Variants in NDUFAF6 observed in about 807,000 individuals in gnomAD.
NDUFAF6 encodes the protein NADH dehydrogenase (ubiquinone) complex I, assembly factor 6.
NDUFAF6 carries 45 observed loss-of-function variants against 40.8 expected under a neutral mutation model. The observed-to-expected ratio is 1.10, with a 90% CI of 0.87 to 1.42. The LOEUF (loss-of-function observed/expected upper bound fraction) is 1.42. Ranked by LOEUF, NDUFAF6 falls within the 40% of genes most tolerant of loss-of-function variation. NDUFAF6 has a pLI of 0.00. For synonymous variants in NDUFAF6, 185 were observed against 155.9 expected, an observed-to-expected ratio of 1.19 and a Z score of -1.39; for missense variants, 435 against 418.5, an observed-to-expected ratio of 1.04 and a Z score of -0.34.
chr8:94,929,928 A>G (rs1355064262), intron 1 of NDUFAF6: 1 of 153,778 alleles, frequency 6.5e-6, no homozygotes, highest in East Asian at 1.9e-4. Context: ...TACACACAGA[A>G]TACATCAAGT....
chr8:94,951,610 G>A (rs761638919), intron 2 of NDUFAF6, among the ~76,000 whole-genome samples: 6 of 152,202 alleles, frequency 3.9e-5, no homozygotes, highest in Non-Finnish European at 5.9e-5. Flanking sequence ...CAAGGAGGGC[G>A]TGCCTCAGGG....
chr8:94,979,409 T>C (rs1825228625), intron 1 of NDUFAF6, among the ~76,000 whole-genome samples: 1 of 152,160 alleles, frequency 6.6e-6, no homozygotes, highest in Non-Finnish European at 1.5e-5. Context: ...GGTCCTTCCT[T>C]GTTTTCAAAA....
At chr8:94,977,026 C>T (rs1825008212) in intron 1 of NDUFAF6, among the ~76,000 whole-genome samples, 1 of 151,584 alleles carries the variant, frequency 6.6e-6, no homozygotes, top group Admixed American at 6.6e-5. Flanking sequence ...TGGCACACAC[C>T]TGTGGTCCCA....
chr8:94,940,990 T>C, intron 1 of NDUFAF6: 1 of 1,434,760 alleles, frequency 7.0e-7, no homozygotes, highest in Non-Finnish European at 9.7e-7. Context: ...ATAGCTGAGA[T>C]TTCAAAACCT....
chr8:94,920,979 G>A (rs1338412014), intron 1 of NDUFAF6, among the ~76,000 whole-genome samples: 1 of 151,526 alleles, frequency 6.6e-6, no homozygotes, highest in Non-Finnish European at 1.5e-5. Context: ...CTTCAATAAG[G>A]CTAGAACTAG....
chr8:94,987,220 A>G (rs1205155423), intron 2 of NDUFAF6, among the ~76,000 whole-genome samples: 1 of 152,198 alleles, frequency 6.6e-6, no homozygotes. Flanking sequence ...ATGCAGCCAT[A>G]ACACAGTATG....
chr8:94,918,932 G>C (rs986694354), intron 1 of NDUFAF6, among the ~76,000 whole-genome samples: 2 of 152,174 alleles, frequency 1.3e-5, no homozygotes, highest in African/African-American at 4.8e-5. Flanking sequence ...AAAACCTTTA[G>C]GCCACGGTGT....
chr8:95,050,109 C>T (rs1831262087), intron 7 of NDUFAF6, among the ~76,000 whole-genome samples: 1 of 152,144 alleles, frequency 6.6e-6, no homozygotes, highest in African/African-American at 2.4e-5. Flanking sequence ...TGGGTAAGAT[C>T]TGAGCACACT....
chr8:95,048,959 C>G (rs1210297427), intron 7 of NDUFAF6, among the ~76,000 whole-genome samples: 1 of 152,162 alleles, frequency 6.6e-6, no homozygotes, highest in Non-Finnish European at 1.5e-5. Context: ...CTTTTATCTT[C>G]TGGTTTGTTG....
At chr8:95,028,905 G>A (rs1828493187) in intron 1 of NDUFAF6, among the ~76,000 whole-genome samples, 1 of 152,154 alleles carries the variant, frequency 6.6e-6, no homozygotes, top group Non-Finnish European at 1.5e-5. Context: ...TGCCTTCGCT[G>A]TCCTTAGAAA....
intron 2 of NDUFAF6, among the ~76,000 whole-genome samples, chr8:95,081,697 A>C (rs1166132784): frequency 1.3e-5 from 2 of 152,240 alleles, no homozygotes; most frequent in Non-Finnish European, 2.9e-5. Context: ...GTCTAGTAAA[A>C]AGAAAAGCAT....
intron 9 of NDUFAF6, among the ~76,000 whole-genome samples, chr8:95,065,179 A>G (rs1474358342): frequency 1.3e-5 from 2 of 152,342 alleles, no homozygotes; most frequent in Admixed American, 1.3e-4. Flanking sequence ...GGAAGGAGTC[A>G]TGGACACCCC....
At chr8:94,946,289 A>G (rs1821985404) in intron 2 of NDUFAF6, among the ~76,000 whole-genome samples, 1 of 152,194 alleles carries the variant, frequency 6.6e-6, no homozygotes, top group Non-Finnish European at 1.5e-5. Context: ...CACGGGGAAG[A>G]GCATTCTAGT....
chr8:94,972,491 A>G (rs1314702389), intron 1 of NDUFAF6, among the ~76,000 whole-genome samples: 3 of 152,130 alleles, frequency 2.0e-5, no homozygotes, highest in African/African-American at 7.2e-5. Context: ...TGCCCGCCTC[A>G]ACCTCCCAAA....
intron 1 of NDUFAF6, among the ~76,000 whole-genome samples, chr8:94,925,591 C>T (rs983391577): frequency 1.4e-5 from 2 of 144,756 alleles, no homozygotes; most frequent in African/African-American, 5.3e-5. Flanking sequence ...TGCTCTGTTG[C>T]CCAGGCTGCG....
chr8:95,057,884 AATACAT>A lies in NDUFAF6; in HGVS notation c.950_955del (p.Asn317_Leu319delinsIle). ...ATTCCACCCATCTTTACAGCAGAAG[AATACAT>A]TACTTCCATTATATTTGTATATTCA... is the stretch of plus-strand genomic sequence containing the variant. On this transcript the variant is annotated inframe_deletion, in exon 9 of 9. Transcript: ENST00000396124. 6.3e-7 allele frequency: 1 copy of A among 1,587,802 alleles called. No homozygotes were observed. The highest frequency in any genetic ancestry group is 8.6e-7 in the Non-Finnish European group (1 of 1,156,328).
chr8:94,995,303 A>C (rs1826375698), intron 2 of NDUFAF6, among the ~76,000 whole-genome samples: 1 of 152,238 alleles, frequency 6.6e-6, no homozygotes, highest in Admixed American at 6.5e-5. Flanking sequence ...GTAGTTGCTA[A>C]AGGCTGGGAG....
At chr8:94,959,090 C>T (rs962428455) in intron 1 of NDUFAF6, among the ~76,000 whole-genome samples, 1 of 151,866 alleles carries the variant, frequency 6.6e-6, no homozygotes, top group Non-Finnish European at 1.5e-5. Context: ...GGGGTGATTG[C>T]GGTAGCAAAG....
At chr8:94,941,970 T>A (rs1160485784) in intron 1 of NDUFAF6, among the ~76,000 whole-genome samples, 2 of 151,870 alleles carry the variant, frequency 1.3e-5, no homozygotes, top group Non-Finnish European at 2.9e-5. Flanking sequence ...CTGCCCTTCA[T>A]CCCTTTCTCA....
Sources: allele counts gnomAD v4.1 joint callset (sites outside exome capture counted in the v4.1 genomes callset), GRCh38; gene constraint gnomAD v4.1.1; transcripts MANE v1.5; gene names NCBI Gene and HGNC (gene_info 2026-07-23, HGNC 2026-07-21).